Variants in SYNPR observed in about 807,000 individuals in gnomAD.
SYNPR encodes synaptoporin.
Under a neutral mutation model 32.9 loss-of-function variants are expected in SYNPR, and 23 were observed. That is an observed-to-expected ratio of 0.70 (90% CI 0.50 to 0.99). The LOEUF (loss-of-function observed/expected upper bound fraction) is 0.99, where lower values mean the gene tolerates loss of function less well. SYNPR is among the 50% of genes least tolerant of loss of function. SYNPR has a pLI of 0.00. For missense variants in SYNPR, 318 were observed against 349.3 expected (o/e 0.91, Z 0.71); for synonymous variants, 146 against 135.9 (o/e 1.07, Z -0.52).
intron 1 of SYNPR, among the ~76,000 whole-genome samples, chr3:63,236,896 T>C (rs1356930989): frequency 6.6e-6 from 1 of 152,126 alleles, no homozygotes; most frequent in Non-Finnish European, 1.5e-5. Flanking sequence ...TCCAATACTA[T>C]GTTGAAGAAG....
chr3:63,427,638 C>A (rs1244105461), intron 2 of SYNPR: 2 of 152,222 alleles, frequency 1.3e-5, no homozygotes, highest in Non-Finnish European at 2.9e-5. Context: ...TCTCCCTCCA[C>A]AATGGAGGAG....
chr3:63,565,687 G>A (rs1333124422), intron 4 of SYNPR, among the ~76,000 whole-genome samples: 1 of 152,154 alleles, frequency 6.6e-6, no homozygotes, highest in Non-Finnish European at 1.5e-5. Context: ...GCCATGTGAG[G>A]ACACAGCATT....
At chr3:63,259,546 A>G (rs556249210) in intron 2 of SYNPR, among the ~76,000 whole-genome samples, 37 of 152,222 alleles carry the variant, frequency 2.4e-4, no homozygotes, top group Non-Finnish European at 3.8e-4. Flanking sequence ...AAAACTCTCA[A>G]TAAATTAGGT....
chr3:63,370,949 C>G (rs569252697), intron 2 of SYNPR, among the ~76,000 whole-genome samples: 77 of 152,256 alleles, frequency 5.1e-4, no homozygotes, highest in African/African-American at 1.8e-3. Flanking sequence ...AGATGGCTGA[C>G]TAGAAGGAGC....
chr3:63,281,470 C>A (rs776039843), intron 2 of SYNPR, among the ~76,000 whole-genome samples: 9 of 152,206 alleles, frequency 5.9e-5, no homozygotes, highest in Non-Finnish European at 1.3e-4. Flanking sequence ...AAATTTATTT[C>A]TCATAGTTCT....
chr3:63,595,877 T>TA (rs1699949104), intron 4 of SYNPR, among the ~76,000 whole-genome samples: 1 of 78,870 alleles, frequency 1.3e-5, no homozygotes, highest in Non-Finnish European at 2.6e-5. Flanking sequence ...ATATATAATT[T>TA]TATATATATA....
At chr3:63,601,870 A>T (rs888339084) in intron 4 of SYNPR, among the ~76,000 whole-genome samples, 3 of 152,186 alleles carry the variant, frequency 2.0e-5, no homozygotes, top group African/African-American at 4.8e-5. Flanking sequence ...GCTGGGTTGA[A>T]TGGTAGTTCT....
chr3:63,358,418 C>T (rs1389224757), intron 2 of SYNPR, among the ~76,000 whole-genome samples: 1 of 152,198 alleles, frequency 6.6e-6, no homozygotes, highest in Non-Finnish European at 1.5e-5. Context: ...CCTTCTCTAG[C>T]TCTGACTTCC....
rs546862172 is a variant in SYNPR, at chr3:63,370,744, C to T, written c.84+92002C>T. Among the ~76,000 whole-genome samples the T allele has an allele frequency of 2.7e-4, 41 of 152,194 alleles. 1 individual carries two copies. The East Asian group carries it at 4.3e-3, about 16-fold the overall frequency. On this transcript the variant is annotated intron_variant, in intron 2 of 5. Transcript: ENST00000478300. Reference sequence around the variant, plus strand: ...TTGAGGTTGTTTAGATATCCAGACCCGCTGGAGACAGTAAGGAGTAATTTT... The same window carrying T: ...TTGAGGTTGTTTAGATATCCAGACCTGCTGGAGACAGTAAGGAGTAATTTT...
At chr3:63,203,440 C>A in the SYNPR span, 1 of 152,260 alleles carries the variant, frequency 6.6e-6, no homozygotes, top group African/African-American at 2.4e-5. Context: ...TGCAAACAAC[C>A]TCCATCATCC....
At chr3:63,270,254 A>G (rs978208029) in intron 3 of SYNPR, among the ~76,000 whole-genome samples, 2 of 152,214 alleles carry the variant, frequency 1.3e-5, no homozygotes, top group Non-Finnish European at 2.9e-5. Flanking sequence ...ACCACCAGAC[A>G]TGACTTTCAT....
At chr3:63,231,294 A>C (rs1211431706) in intron 1 of SYNPR, among the ~76,000 whole-genome samples, 1 of 152,136 alleles carries the variant, frequency 6.6e-6, no homozygotes, top group East Asian at 1.9e-4. Flanking sequence ...ATGGAAAGGC[A>C]TAAATGATAT....
chr3:63,423,613 T>C (rs1699837235), intron 2 of SYNPR: 1 of 152,156 alleles, frequency 6.6e-6, no homozygotes, highest in Non-Finnish European at 1.5e-5. Context: ...TTTGAAAGAG[T>C]GCCGGCGGTC....
At chr3:63,266,897 T>A (rs2086494864) in intron 2 of SYNPR, among the ~76,000 whole-genome samples, 1 of 152,026 alleles carries the variant, frequency 6.6e-6, no homozygotes, top group Admixed American at 6.6e-5. Context: ...TTTCATTTTG[T>A]AAGTCCAAAG....
At chr3:63,540,206 C>A (rs1194359258) in intron 3 of SYNPR, among the ~76,000 whole-genome samples, 1 of 152,058 alleles carries the variant, frequency 6.6e-6, no homozygotes, top group Admixed American at 6.6e-5. Context: ...GTTATTATCA[C>A]CTTATGAAGT....
At position 63,445,832 on chromosome 3, in the gene SYNPR, C is replaced by T. The variant is rs530321819; in HGVS notation, c.85-35000C>T. Among the ~76,000 whole-genome samples the T allele has an allele frequency of 2.6e-5, 4 of 152,266 alleles. No homozygotes were observed. In the East Asian group the frequency reaches 7.7e-4, roughly 29 times the overall value. On this transcript the variant is annotated intron_variant, in intron 2 of 5. Coordinates refer to ENST00000478300, the MANE Select transcript of SYNPR (RefSeq NM_001130003.2). Reference sequence around the variant, plus strand: ...TCATTGGTACAATCTACAACAAACGCCTAGACTGAAATGATTTCCAGGGAC... The same window carrying T: ...TCATTGGTACAATCTACAACAAACGTCTAGACTGAAATGATTTCCAGGGAC...
intron 5 of SYNPR, chr3:63,610,450 C>T: frequency 1.5e-6 from 1 of 688,188 alleles, no homozygotes; most frequent in South Asian, 1.5e-5. Flanking sequence ...ATCTTTGCTT[C>T]AAGATTAACC....
In SYNPR at chr3:63,285,009, C is replaced by G. The variant is rs192749171; in HGVS notation, c.84+6267C>G. Among the ~76,000 whole-genome samples the G allele has an allele frequency of 3.6e-3, 546 of 152,332 alleles. 1 individual carries two copies. Among genetic ancestry groups the G allele is most frequent in the Non-Finnish European group, 5.3e-3 (360 of 68,028 alleles). ...AAGATTTGAGCAGCCTCACTCCCAA[C>G]TTCATTCTCTTAAATGCTACACTCC... On this transcript the variant is annotated intron_variant, in intron 2 of 5. Transcript: ENST00000478300.
chr3:63,227,085 C>A (rs2086133852), upstream of SYNPR, among the ~76,000 whole-genome samples: 1 of 152,076 alleles, frequency 6.6e-6, no homozygotes, highest in Non-Finnish European at 1.5e-5. Context: ...TATAATACAT[C>A]TCAACAAAGG....
Sources: allele counts gnomAD v4.1 joint callset (sites outside exome capture counted in the v4.1 genomes callset), GRCh38; gene constraint gnomAD v4.1.1; transcripts MANE v1.5; gene names NCBI Gene and HGNC (gene_info 2026-07-23, HGNC 2026-07-21).